ERC1: variants seen among roughly 807,000 people sequenced by gnomAD.
The protein encoded by ERC1 is ELKS/RAB6-interacting/CAST family member 1.
ERC1 carries 56 observed loss-of-function variants against 132.0 expected under a neutral mutation model. That is an observed-to-expected ratio of 0.42 (90% CI 0.34 to 0.53). ERC1 has a LOEUF of 0.53. Among genes scored for constraint, ERC1 ranks in the 20% least tolerant of loss-of-function variants. ERC1 has a pLI of 0.03. For synonymous variants in ERC1, 478 were observed against 476.1 expected, an observed-to-expected ratio of 1.00 and a Z score of -0.05; for missense variants, 1,202 against 1,349.9, an observed-to-expected ratio of 0.89 and a Z score of 1.72.
chr12:1,156,576 C>T (rs1351391689), intron 8 of ERC1, among the ~76,000 whole-genome samples: 1 of 152,162 alleles, frequency 6.6e-6, no homozygotes, highest in African/African-American at 2.4e-5. Flanking sequence ...ATGACATAAC[C>T]GTCTCATTCA....
At position 1,414,645 on chromosome 12, in the gene ERC1, A is replaced by G. The variant is rs2092024044; in HGVS notation, c.3024+6398A>G. Reference sequence around the variant, plus strand: ...AGTTAGTTTATCCATGCCACTCTCTATCCGTTTACTGTAAGTTTTCTTCTT... The same window carrying G: ...AGTTAGTTTATCCATGCCACTCTCTGTCCGTTTACTGTAAGTTTTCTTCTT... On this transcript the variant is annotated intron_variant, in intron 17 of 18. Coordinates refer to ENST00000360905, the MANE Select transcript of ERC1 (RefSeq NM_178040.4). Among the ~76,000 whole-genome samples, 3 of 152,094 alleles carry G rather than the reference A, an allele frequency of 2.0e-5. No individual in the cohort carries two copies. The South Asian group carries it at 6.2e-4, about 32-fold the overall frequency.
intron 8 of ERC1, among the ~76,000 whole-genome samples, chr12:1,143,181 G>C (rs1290316590): frequency 6.6e-6 from 1 of 152,154 alleles, no homozygotes; most frequent in African/African-American, 2.4e-5. Context: ...TGGGATTACA[G>C]GCGTGAGCCA....
intron 12 of ERC1, among the ~76,000 whole-genome samples, chr12:1,199,322 C>A (rs540584135): frequency 1.3e-5 from 2 of 152,384 alleles, no homozygotes; most frequent in South Asian, 4.1e-4. Flanking sequence ...GACATAGAGC[C>A]AAACCATGTC....
chr12:1,066,162 G>C, intron 2 of ERC1, among the ~76,000 whole-genome samples: 1 of 152,168 alleles, frequency 6.6e-6, no homozygotes, highest in South Asian at 2.1e-4. Flanking sequence ...TTAATTTTAT[G>C]TTATATGAAC....
intron 12 of ERC1, among the ~76,000 whole-genome samples, chr12:1,214,687 C>T (rs1330104662): frequency 1.4e-5 from 2 of 146,436 alleles, no homozygotes; most frequent in African/African-American, 4.9e-5. Context: ...CACACACACA[C>T]ACACACACAC....
In ERC1 at chr12:1,159,459, C is replaced by T. The variant is rs571979915; in HGVS notation, c.1737+17672C>T. Among the ~76,000 whole-genome samples the T allele has an allele frequency of 1.2e-3, 188 of 152,316 alleles. 1 individual carries two copies. The highest frequency in any genetic ancestry group is 1.4e-3 in the Admixed American group (22 of 15,306). ...GTCTCACCGCTTACTTCCTGCTGTG[C>T]GGCCCAGTTCCTAACAGGCCACAGA... On this transcript the variant is annotated intron_variant, in intron 8 of 18. Transcript: ENST00000360905.
At chr12:1,007,569 T>TGTAC (rs762010744) in intron 1 of ERC1, among the ~76,000 whole-genome samples, 6 of 136,168 alleles carry the variant, frequency 4.4e-5, no homozygotes, top group Non-Finnish European at 8.1e-5. Flanking sequence ...TGTGTGTGTG[T>TGTAC]ACACACTTTG....
At chr12:1,151,731 T>G (rs1305222141) in intron 8 of ERC1, 1 of 128,076 alleles carries the variant, frequency 7.8e-6, no homozygotes, top group African/African-American at 3.8e-5. Context: ...CAGTCCTGTT[T>G]CATTTCACAC....
intron 12 of ERC1, chr12:1,204,618 T>A: frequency 9.9e-7 from 1 of 1,007,526 alleles, no homozygotes; most frequent in Non-Finnish European, 1.5e-6. Flanking sequence ...GAGGGATATC[T>A]AGAAATCTAG....
At chr12:1,170,904 A>G (rs1393051158) in intron 8 of ERC1, among the ~76,000 whole-genome samples, 1 of 152,216 alleles carries the variant, frequency 6.6e-6, no homozygotes. Flanking sequence ...TTTAAAGATA[A>G]AATATAGTAG....
chr12:1,101,794 A>G (rs1183557654), intron 3 of ERC1, among the ~76,000 whole-genome samples: 2 of 152,208 alleles, frequency 1.3e-5, no homozygotes, highest in Non-Finnish European at 2.9e-5. Flanking sequence ...AGTTGAAACC[A>G]TAGGATTAGG....
Position 1,304,255 on chromosome 12 carries a change from C to CTCA in ERC1, c.2780+14244_2780+14245insCAT, listed in dbSNP as rs540246497. On this transcript the variant is annotated intron_variant, in intron 15 of 18. Coordinates refer to ENST00000360905, the MANE Select transcript of ERC1 (RefSeq NM_178040.4). ...ACTGACCAGATGTACTGGCATTGAA[C>CTCA]TGTTGATTTTTGTCCTCAGGCTGGT... Among the ~76,000 whole-genome samples the CTCA allele has an allele frequency of 8.5e-5, 13 of 152,292 alleles. No individual in the cohort carries two copies. The South Asian group carries it at 1.7e-3, about 19-fold the overall frequency.
intron 1 of ERC1, among the ~76,000 whole-genome samples, chr12:1,013,895 C>A (rs1409088711): frequency 6.6e-6 from 1 of 151,930 alleles, no homozygotes; most frequent in African/African-American, 2.4e-5. Flanking sequence ...CCACACCTGG[C>A]TAATTAAAAA....
chr12:1,097,132 T>C (rs1175966760), intron 3 of ERC1, among the ~76,000 whole-genome samples: 3 of 152,218 alleles, frequency 2.0e-5, no homozygotes, highest in Admixed American at 1.3e-4. Context: ...TCTTGGCTTA[T>C]TAGCTGGAAT....
Position 1,138,176 on chromosome 12 carries a change from TA to T in ERC1, c.1570-3442del, listed in dbSNP as rs1566059890. Among the ~76,000 whole-genome samples the T allele has an allele frequency of 6.0e-5, 7 of 117,390 alleles. 1 individual carries two copies. The South Asian group carries it at 1.4e-3, about 24-fold the overall frequency. The allele number at this position is 117,390 out of a possible 152,430, so 77.0% of individuals were successfully genotyped here. A position where few individuals can be genotyped will look rare whatever the true frequency, so the allele number is the denominator to read the frequency against. On this transcript the variant is annotated intron_variant, in intron 7 of 18. Transcript: ENST00000360905. Reference sequence around the variant, plus strand: ...TTTACATAATATATATAATTGTATATAATATATATCATATATAATTATATAT... The same window carrying T: ...TTTACATAATATATATAATTGTATATATATATATCATATATAATTATATAT...
intron 8 of ERC1, among the ~76,000 whole-genome samples, chr12:1,171,363 T>C (rs1357213434): frequency 6.6e-6 from 1 of 150,444 alleles, no homozygotes; most frequent in African/African-American, 2.4e-5. Flanking sequence ...ATTCTTTTTT[T>C]TTTTTTTTTT....
chr12:1,138,993 C>G (rs573060208), intron 7 of ERC1, among the ~76,000 whole-genome samples: 49 of 152,276 alleles, frequency 3.2e-4, no homozygotes, highest in Non-Finnish European at 6.3e-4. Flanking sequence ...TGTGAAGTTT[C>G]CTGCAGGGAG....
At position 1,265,735 on chromosome 12, in the gene ERC1, C is replaced by G. The variant is rs80345784; in HGVS notation, c.2619+2570C>G. 3.5e-3 allele frequency among the ~76,000 whole-genome samples: 527 copies of G among 152,292 alleles called. 4 individuals are homozygous for G. Among genetic ancestry groups the G allele is most frequent in the Middle Eastern group, 0.02 (6 of 294 alleles). The stretch of plus-strand genomic sequence containing the variant: ...CCCCACCGATTTATTCCTTCCCCGT[C>G]TCCCCAGTCCGTGATCTTTTTACTG... On this transcript the variant is annotated intron_variant, in intron 14 of 18. Coordinates refer to ENST00000360905, the MANE Select transcript of ERC1 (RefSeq NM_178040.4).
At chr12:1,096,147 C>T (rs909920079) in intron 3 of ERC1, among the ~76,000 whole-genome samples, 8 of 152,052 alleles carry the variant, frequency 5.3e-5, no homozygotes, top group Non-Finnish European at 1.0e-4. Context: ...AGGCTGGTCT[C>T]GAACTACTGA....
Sources: gnomAD v4.1 joint callset for allele counts (sites outside exome capture counted in the v4.1 genomes callset) on GRCh38, gnomAD v4.1.1 for gene constraint, MANE v1.5 for transcripts, NCBI Gene and HGNC (gene_info 2026-07-23, HGNC 2026-07-21) for gene names.